The following FGF13 variants were observed in gnomAD, a reference collection of about 807,000 sequenced individuals.
FGF13 encodes the protein fibroblast growth factor 13, also known as fibroblast growth factor homologous factor 2.
Under a neutral mutation model 19.5 loss-of-function variants are expected in FGF13, and 2 were observed. The observed-to-expected ratio is 0.10, with a 90% CI of 0.04 to 0.32. FGF13 has a LOEUF of 0.32. Ranked by LOEUF, FGF13 falls within the 10% of genes least tolerant of loss-of-function variation. The pLI is 1.00. For missense variants in FGF13, 113 were observed against 192.7 expected (o/e 0.59, Z 2.45); for synonymous variants, 72 against 76.9 (o/e 0.94, Z 0.33).
In FGF13 at chrX:138,958,727, AC is replaced by A. The variant is rs2091854041; in HGVS notation, c.-112-94078del. Reference sequence around the variant, plus strand: ...TGTTATTGGTCTATTCAAGGATTCAACTTCTTCCTGGTTTAGTCTTGGGAGG... The same window carrying A: ...TGTTATTGGTCTATTCAAGGATTCAATTCTTCCTGGTTTAGTCTTGGGAGG... On this transcript the variant is annotated intron_variant, in intron 1 of 2. Transcript: ENST00000421460. 8.1e-5 allele frequency among the ~76,000 whole-genome samples: 9 copies of A among 111,660 alleles called. No individual in the cohort carries two copies. The East Asian group carries it at 1.4e-3, about 18-fold the overall frequency.
chrX:138,686,276 C>A (rs1014681204), intron 3 of FGF13, among the ~76,000 whole-genome samples: 2 of 111,326 alleles, frequency 1.8e-5, no homozygotes, highest in Non-Finnish European at 3.8e-5. Flanking sequence ...GTCATTGATT[C>A]ATTAAGAAAT....
chrX:138,967,913 C>T (rs1020492954), intron 1 of FGF13, among the ~76,000 whole-genome samples: 1 of 110,894 alleles, frequency 9.0e-6, no homozygotes, highest in Non-Finnish European at 1.9e-5. Flanking sequence ...TGAGAAGAGG[C>T]AAACTGGAAA....
chrX:138,979,638 G>T (rs2091955307), intron 1 of FGF13, among the ~76,000 whole-genome samples: 1 of 110,195 alleles, frequency 9.1e-6, no homozygotes, highest in Non-Finnish European at 1.9e-5. Context: ...TGTACCAGAG[G>T]GCAAGATCCT....
intron 2 of FGF13, among the ~76,000 whole-genome samples, chrX:138,860,432 T>TA (rs1456868582): frequency 1.8e-5 from 2 of 111,347 alleles, no homozygotes; most frequent in Admixed American, 9.5e-5. Context: ...TCCAGCCCAT[T>TA]AAGATAGGAA....
intron 1 of FGF13, among the ~76,000 whole-genome samples, chrX:138,868,502 C>T (rs1459123473): frequency 2.7e-5 from 3 of 111,298 alleles, no homozygotes; most frequent in African/African-American, 6.5e-5. Flanking sequence ...CTCATATAAA[C>T]TTTCTTGCCC....
chrX:138,669,194 G>T (rs1185344403), intron 3 of FGF13, among the ~76,000 whole-genome samples: 2 of 110,629 alleles, frequency 1.8e-5, no homozygotes, highest in Non-Finnish European at 3.8e-5. Context: ...CAGGACAAAG[G>T]ATAATTGATG....
At chrX:138,894,970 A>G (rs1172879941) in intron 1 of FGF13, among the ~76,000 whole-genome samples, 2 of 112,060 alleles carry the variant, frequency 1.8e-5, no homozygotes, top group Admixed American at 9.5e-5. Flanking sequence ...ACCATGATCG[A>G]GTGGGCTTCT....
At chrX:138,832,344 A>T (rs1174564890) in intron 3 of FGF13, among the ~76,000 whole-genome samples, 2 of 111,873 alleles carry the variant, frequency 1.8e-5, no homozygotes, top group African/African-American at 6.5e-5. Context: ...CTTTTTAATA[A>T]TAGCCATTCT....
intron 1 of FGF13, among the ~76,000 whole-genome samples, chrX:139,178,947 T>G (rs1006732149): frequency 8.9e-6 from 1 of 111,882 alleles, no homozygotes; most frequent in African/African-American, 3.2e-5. Context: ...TATCTTAAAA[T>G]TATTGACTCA....
rs190370343 is a variant in FGF13 at position 138,682,474 on chromosome X, G to A, written c.402+20510C>T. Among the ~76,000 whole-genome samples, 70 of 112,376 alleles carry A rather than the reference G, an allele frequency of 6.2e-4. No individual in the cohort carries two copies. In the East Asian group the frequency reaches 0.018, roughly 29 times the overall value. On this transcript the variant is annotated intron_variant, in intron 3 of 4. Coordinates refer to ENST00000315930, the MANE Select transcript of FGF13 (RefSeq NM_004114.5). ...GGGGTGTGTGTGTGTGTGTGCGTGC[G>A]TGTGCGCACCTTTGTTTAATTTGCC...
chrX:138,846,177 G>A, intron 3 of FGF13, among the ~76,000 whole-genome samples: 2 of 85,548 alleles, frequency 2.3e-5, no homozygotes, highest in South Asian at 1.3e-3. Context: ...ATAGTAATAT[G>A]TGTCCATTTG....
At chrX:139,085,382 T>C (rs184889984) in intron 1 of FGF13, among the ~76,000 whole-genome samples, 45 of 111,870 alleles carry the variant, frequency 4.0e-4, no homozygotes, top group Admixed American at 1.0e-3. Flanking sequence ...ACATAACAAA[T>C]AACATTGAAT....
At chrX:138,984,523 G>GAACAAGAACAAGAA (rs2091979498) in intron 1 of FGF13, among the ~76,000 whole-genome samples, 1 of 31,578 alleles carries the variant, frequency 3.2e-5, no homozygotes, top group African/African-American at 1.2e-4. Context: ...AAGAAGAAGA[G>GAACAAGAACAAGAA]GAAGAAGAAG....
At chrX:139,059,343 G>C (rs1324008037) in intron 1 of FGF13, among the ~76,000 whole-genome samples, 1 of 110,302 alleles carries the variant, frequency 9.1e-6, no homozygotes, top group East Asian at 2.8e-4. Context: ...CCACCAGACA[G>C]TATACCTGAG....
At chrX:139,024,635 T>C (rs751939941) in intron 1 of FGF13, among the ~76,000 whole-genome samples, 2 of 111,533 alleles carry the variant, frequency 1.8e-5, no homozygotes, top group Non-Finnish European at 3.8e-5. Context: ...CATAGTAGAT[T>C]AATTCATATA....
intron 1 of FGF13, among the ~76,000 whole-genome samples, chrX:139,078,587 T>A (rs1045061185): frequency 8.0e-5 from 9 of 112,891 alleles, no homozygotes; most frequent in Non-Finnish European, 1.7e-4. Context: ...CAAATGCAGA[T>A]CAAATACATT....
chrX:139,096,800 A>G (rs761667375), intron 1 of FGF13, among the ~76,000 whole-genome samples: 3 of 112,198 alleles, frequency 2.7e-5, no homozygotes, highest in Non-Finnish European at 3.8e-5. Context: ...TATCGACATT[A>G]GTAGAAAAAA....
At chrX:139,022,329 T>A (rs1323908824) in intron 1 of FGF13, among the ~76,000 whole-genome samples, 1 of 112,247 alleles carries the variant, frequency 8.9e-6, no homozygotes, top group Non-Finnish European at 1.9e-5. Context: ...GGTACTCAAG[T>A]CATTTATATT....
chrX:139,082,235 G>T (rs12389929), intron 1 of FGF13, among the ~76,000 whole-genome samples: 26,203 of 109,962 alleles, frequency 0.24, 3,225 homozygotes, highest in African/African-American at 0.47. Flanking sequence ...TCAGATATCC[G>T]CATGGCTGGC....
Sources: gnomAD v4.1 joint callset for allele counts (sites outside exome capture counted in the v4.1 genomes callset) on GRCh38, gnomAD v4.1.1 for gene constraint, MANE v1.5 for transcripts, NCBI Gene and HGNC (gene_info 2026-07-23, HGNC 2026-07-21) for gene names.